SESN1: variants seen among roughly 807,000 people sequenced by gnomAD.
The protein encoded by SESN1 is sestrin-1.
Under a neutral mutation model 59.3 loss-of-function variants are expected in SESN1, and 30 were observed. The ratio of observed to expected loss-of-function variants is 0.51; its 90% CI spans 0.38 to 0.69. The LOEUF is 0.69. SESN1 is among the 30% of genes least tolerant of loss of function. The pLI, the probability that SESN1 is intolerant of heterozygous loss-of-function variation, is 0.00. For synonymous variants in SESN1, 197 were observed against 219.9 expected, an observed-to-expected ratio of 0.90 and a Z score of 0.92; for missense variants, 566 against 673.0, an observed-to-expected ratio of 0.84 and a Z score of 1.76.
At chr6:109,048,716 A>G (rs1780492460) in intron 1 of SESN1, among the ~76,000 whole-genome samples, 1 of 152,202 alleles carries the variant, frequency 6.6e-6, no homozygotes. Context: ...ACCTAAAATA[A>G]TGCTGTTCAT....
chr6:109,003,193 C>G (rs1053958509), intron 1 of SESN1, among the ~76,000 whole-genome samples: 4 of 151,680 alleles, frequency 2.6e-5, no homozygotes, highest in South Asian at 4.2e-4. Flanking sequence ...AGGCCTATGT[C>G]CTATCTAGTG....
intron 1 of SESN1, among the ~76,000 whole-genome samples, chr6:109,030,242 C>G (rs775054353): frequency 1.3e-5 from 2 of 152,106 alleles, no homozygotes; most frequent in African/African-American, 2.4e-5. Flanking sequence ...ATCTAAGAAT[C>G]TGGTCTAAGG....
At chr6:109,046,363 A>T (rs1293763489) in intron 1 of SESN1, among the ~76,000 whole-genome samples, 27 of 151,708 alleles carry the variant, frequency 1.8e-4, no homozygotes, top group African/African-American at 6.1e-4. Context: ...GGGATTGCAG[A>T]CGGAGTCTCG....
chr6:109,073,653 CA>C (rs1780976591), intron 1 of SESN1, among the ~76,000 whole-genome samples: 2 of 152,116 alleles, frequency 1.3e-5, no homozygotes, highest in Non-Finnish European at 2.9e-5. Flanking sequence ...ATGCAAAACT[CA>C]TTAGGAAAAA....
rs565138176 is a variant in SESN1, at chr6:109,018,956, A to G, written c.280-16613T>C. Among the ~76,000 whole-genome samples the G allele has an allele frequency of 4.6e-5, 7 of 152,344 alleles. No homozygotes were observed. The East Asian group carries it at 9.6e-4, about 21-fold the overall frequency. Reference sequence around the variant, plus strand: ...TTCTTGATATTATGCATATAAGAAAATATAGAAATACTGCAACCATCATTC... The same window carrying G: ...TTCTTGATATTATGCATATAAGAAAGTATAGAAATACTGCAACCATCATTC... On this transcript the variant is annotated intron_variant, in intron 1 of 9. Coordinates refer to ENST00000436639, the MANE Select transcript of SESN1 (RefSeq NM_014454.3).
chr6:109,041,179 G>A (rs1027947029), intron 1 of SESN1, among the ~76,000 whole-genome samples: 3 of 151,522 alleles, frequency 2.0e-5, no homozygotes, highest in African/African-American at 4.8e-5. Flanking sequence ...AGGCATTGTG[G>A]CATGCACCTA....
chr6:109,049,940 G>C (rs894332392), intron 1 of SESN1, among the ~76,000 whole-genome samples: 11 of 151,942 alleles, frequency 7.2e-5, no homozygotes, highest in Non-Finnish European at 1.6e-4. Context: ...TTGAAACATA[G>C]GCAACAGCTT....
chr6:109,052,845 G>A (rs1780563181), intron 1 of SESN1, among the ~76,000 whole-genome samples: 1 of 152,136 alleles, frequency 6.6e-6, no homozygotes, highest in African/African-American at 2.4e-5. Flanking sequence ...AATATTTATT[G>A]TTGACTTAAT....
rs751877811 is a variant in SESN1, at chr6:108,994,611, T to A, written c.973-2A>T. 1 of 1,601,284 alleles carries A rather than the reference T, an allele frequency of 6.2e-7. No homozygotes were observed. The highest frequency in any genetic ancestry group is 8.5e-7 in the Non-Finnish European group (1 of 1,173,440). ...AACCTCAAAGAAAGAATCACTTACC[T>A]GAAGAAAAAATACAATTAATGTTAC... is the stretch of plus-strand genomic sequence containing the variant. On this transcript the variant is annotated splice_acceptor_variant, in intron 5 of 9. Transcript: ENST00000436639. LOFTEE classifies it high-confidence loss of function.
At chr6:108,988,284 A>C in intron 9 of SESN1, 1 of 310,038 alleles carries the variant, frequency 3.2e-6, no homozygotes, top group Non-Finnish European at 5.9e-6. Context: ...AGCTTTTATA[A>C]AACAGTCTTC....
At chr6:108,991,797 T>C (rs2114267291) in intron 7 of SESN1, among the ~76,000 whole-genome samples, 2 of 152,300 alleles carry the variant, frequency 1.3e-5, no homozygotes, top group South Asian at 4.1e-4. Context: ...GTAAACTACT[T>C]TGACATTTAA....
intron 1 of SESN1, among the ~76,000 whole-genome samples, chr6:109,057,267 G>A (rs1211857502): frequency 6.6e-6 from 1 of 152,192 alleles, no homozygotes. Flanking sequence ...ATGTTTTAGG[G>A]TAATTTTGTT....
chr6:109,050,681 G>C (rs982225382), intron 1 of SESN1, among the ~76,000 whole-genome samples: 1 of 152,088 alleles, frequency 6.6e-6, no homozygotes, highest in South Asian at 2.1e-4. Context: ...ATAATCCTTA[G>C]GTCTCTCAGC....
chr6:109,029,101 G>A (rs1173582360), intron 1 of SESN1, among the ~76,000 whole-genome samples: 1 of 152,066 alleles, frequency 6.6e-6, no homozygotes, highest in African/African-American at 2.4e-5. Flanking sequence ...CTCTTCTTAA[G>A]GAAATTATTT....
chr6:109,093,685 A>G, intron 1 of SESN1, 110 bp downstream of exon 1: 1 of 1,101,662 alleles, frequency 9.1e-7, no homozygotes. Flanking sequence ...ATGTAAACTC[A>G]TAATAAAAGT....
At chr6:109,001,793 C>G (rs1489035319) in intron 2 of SESN1, among the ~76,000 whole-genome samples, 4 of 152,148 alleles carry the variant, frequency 2.6e-5, no homozygotes, top group Non-Finnish European at 5.9e-5. Context: ...AGCTTGCAAA[C>G]AGACACTAAA....
chr6:109,049,773 AT>A (rs1780514454), intron 1 of SESN1, among the ~76,000 whole-genome samples: 1 of 151,114 alleles, frequency 6.6e-6, no homozygotes, highest in South Asian at 2.1e-4. Context: ...ATATATTTAT[AT>A]GTATTTTTTA....
chr6:109,061,300 C>G (rs949170472), intron 1 of SESN1, among the ~76,000 whole-genome samples: 14 of 151,744 alleles, frequency 9.2e-5, no homozygotes, highest in Non-Finnish European at 1.5e-4. Context: ...CAGCCTTGAC[C>G]AAAAAATTTT....
chr6:108,989,250 G>A (rs1384231692), intron 8 of SESN1, among the ~76,000 whole-genome samples: 1 of 152,118 alleles, frequency 6.6e-6, no homozygotes, highest in Non-Finnish European at 1.5e-5. Flanking sequence ...TGATCTGCCC[G>A]CCTTGGCTTC....
Sources: gnomAD v4.1 joint callset for allele counts (sites outside exome capture counted in the v4.1 genomes callset) on GRCh38, gnomAD v4.1.1 for gene constraint, MANE v1.5 for transcripts, NCBI Gene and HGNC (gene_info 2026-07-23, HGNC 2026-07-21) for gene names.